KHDC4: variants seen among roughly 807,000 people sequenced by gnomAD.
KHDC4 encodes KH homology domain-containing protein 4.
KHDC4 carries 19 observed loss-of-function variants against 74.5 expected under a neutral mutation model. The observed-to-expected ratio is 0.26, with a 90% CI of 0.18 to 0.37. KHDC4 has a LOEUF of 0.37. Among genes scored for constraint, KHDC4 ranks in the 10% least tolerant of loss-of-function variants. The pLI is 1.00. For synonymous variants in KHDC4, 253 were observed against 266.1 expected (o/e 0.95, Z 0.48); for missense variants, 632 against 754.1 (o/e 0.84, Z 1.90).
intron 10 of KHDC4, chr1:155,921,147 A>G (rs1673854609): frequency 1.7e-5 from 9 of 536,784 alleles, no homozygotes; most frequent in Non-Finnish European, 2.7e-5. Flanking sequence ...TCCCCACTTT[A>G]AACAGCTATT....
At chr1:155,934,308 T>A in intron 1 of KHDC4, 28 bp downstream of exon 1, 1 of 1,605,876 alleles carries the variant, frequency 6.2e-7, no homozygotes, top group Non-Finnish European at 8.5e-7. Context: ...CAGTGCTCGC[T>A]CCGATGCCCT....
chr1:155,925,758 C>A lies in KHDC4; in HGVS notation c.767G>T (p.Gly256Val). The A allele has an allele frequency of 1.9e-6, 3 of 1,614,142 alleles. No homozygotes were observed. Among genetic ancestry groups the A allele is most frequent in the Non-Finnish European group, 2.5e-6 (3 of 1,179,996 alleles). Residue 256 changes from glycine (G) to valine (V), a missense_variant, in exon 7 of 14, where the codon GGC (glycine) becomes GTC (valine). Transcript: ENST00000368321. ...FNVKEKVEGP[G>V]CSYLQHIQIE... Reference sequence around the variant, plus strand: ...CTGAATGTGCTGCAAATAGGAGCAGCCTGGACCTTCCACCTTCTCCTTGAC... The same window carrying A: ...CTGAATGTGCTGCAAATAGGAGCAGACTGGACCTTCCACCTTCTCCTTGAC...
In KHDC4 at chr1:155,934,183, G is replaced by A. The variant is rs78992790; in HGVS notation, c.38+153C>T. Among the ~76,000 whole-genome samples the A allele has an allele frequency of 8.0e-3, 1,210 of 152,104 alleles. 15 individuals carry two copies. The highest frequency in any genetic ancestry group is 0.028 in the African/African-American group (1,156 of 41,466). On this transcript the variant is annotated intron_variant, in intron 1 of 13. Transcript: ENST00000368321. ...CTCGGATCCCCGCCGGCCCTTTAAG[G>A]GCCCCAGGCCTGCTCAAGATCCTTC...
At chr1:155,914,567 G>C in intron 13 of KHDC4, 9 of 359,822 alleles carry the variant, frequency 2.5e-5, no homozygotes, top group East Asian at 4.5e-5. Flanking sequence ...CACAAAAAAA[G>C]AAAAAAAAAG....
chr1:155,916,844 AC>A, intron 11 of KHDC4, 107 bp from the exon 12 acceptor site: 2 of 708,624 alleles, frequency 2.8e-6, no homozygotes, highest in Non-Finnish European at 2.4e-6. Context: ...AAGTTGTAGT[AC>A]GTTAAACTAC....
At chr1:155,923,125 A>G (rs1189845661) in intron 8 of KHDC4, among the ~76,000 whole-genome samples, 3 of 151,650 alleles carry the variant, frequency 2.0e-5, no homozygotes, top group Non-Finnish European at 4.4e-5. Context: ...GAATGGCGTG[A>G]ACCCGGGAGG....
chr1:155,923,753 C>A, intron 7 of KHDC4, 66 bp from the exon 8 acceptor site: 1 of 1,228,832 alleles, frequency 8.1e-7, no homozygotes, highest in South Asian at 1.2e-5. Flanking sequence ...ATTCTGCTTT[C>A]ATTTTCCATG....
chr1:155,918,544 A>G (rs1023175710), intron 10 of KHDC4, among the ~76,000 whole-genome samples: 11 of 152,156 alleles, frequency 7.2e-5, no homozygotes, highest in Non-Finnish European at 1.3e-4. Flanking sequence ...ACTTATACAA[A>G]CTTAGATGAA....
In KHDC4 at chr1:155,934,366, G is replaced by A. The variant is rs763849288; in HGVS notation, c.8C>T (p.Ala3Val). Residue 3 changes from alanine to valine, a missense_variant, in exon 1 of 14, where the codon GCG (alanine) becomes GTG (valine). Ala to Val is a moderately conservative substitution (Grantham distance 64). Coordinates refer to ENST00000368321, the MANE Select transcript of KHDC4 (RefSeq NM_014949.4). MS[A>V]GSATHPGAGG... The stretch of plus-strand genomic sequence containing the variant: ...AGCTCCAGGATGTGTCGCGCTCCCC[G>A]CGGACATGGCGACCGCTTCTACTCA... 5.0e-6 allele frequency: 8 copies of A among 1,611,344 alleles called. No individual in the cohort carries two copies. Among genetic ancestry groups the A allele is most frequent in the Admixed American group, 3.3e-5 (2 of 59,960 alleles).
intron 2 of KHDC4, chr1:155,932,849 A>G (rs1233549646): frequency 1.3e-5 from 2 of 152,178 alleles, no homozygotes; most frequent in Admixed American, 6.5e-5. Flanking sequence ...CAGAATCAGA[A>G]TCACTTGAAC....
At chr1:155,929,870 T>A (rs116526418) in intron 2 of KHDC4, 30 bp from the exon 3 acceptor site, 21 of 1,496,156 alleles carry the variant, frequency 1.4e-5, no homozygotes, top group Non-Finnish European at 1.7e-5. Context: ...GATTAAAAAG[T>A]TTTTATGATG....
At chr1:155,924,378 TTTTTG>T (rs1673936479) in intron 7 of KHDC4, among the ~76,000 whole-genome samples, 3 of 151,578 alleles carry the variant, frequency 2.0e-5, no homozygotes, top group Non-Finnish European at 4.4e-5. Context: ...CTGGCTAATT[TTTTTG>T]TTTTATTTTT....
At chr1:155,927,268 G>A (rs1397490746) in intron 4 of KHDC4, 112 bp from the exon 5 acceptor site, 4 of 790,388 alleles carry the variant, frequency 5.1e-6, no homozygotes, top group Non-Finnish European at 8.7e-6. Context: ...TAACCAAAAG[G>A]GACTATATAC....
chr1:155,927,029 T>C, intron 5 of KHDC4, 75 bp downstream of exon 5: 2 of 1,455,274 alleles, frequency 1.4e-6, no homozygotes, highest in South Asian at 2.3e-5. Flanking sequence ...CAGGGACACT[T>C]TGCCAACTTG....
At chr1:155,919,943 A>G (rs1673819531) in intron 10 of KHDC4, 2 of 511,972 alleles carry the variant, frequency 3.9e-6, no homozygotes, top group African/African-American at 1.9e-5. Context: ...CACAGCCCAC[A>G]GGTAAGGGGA....
In KHDC4 at chr1:155,934,409, C is replaced by CGACTACCACCT. The variant is rs1213951675; in HGVS notation, c.-37_-36insAGGTGGTAGTC. The CGACTACCACCT allele has an allele frequency of 1.2e-6, 2 of 1,608,092 alleles. No homozygotes were observed. Among genetic ancestry groups the CGACTACCACCT allele is most frequent in the Non-Finnish European group, 1.7e-6 (2 of 1,177,174 alleles). The stretch of plus-strand genomic sequence containing the variant: ...TCTACTCAACCACCCGCCAACTATC[C>CGACTACCACCT]GACTACCACCTCTCGTCACTTCCGC... On this transcript the variant is annotated 5_prime_UTR_variant, in exon 1 of 14. Transcript: ENST00000368321.
Position 155,925,613 on chromosome 1 carries a change from C to T in KHDC4, c.893+19G>A, listed in dbSNP as rs1673973852. On this transcript the variant is annotated intron_variant, in intron 7 of 13. Transcript: ENST00000368321. The stretch of plus-strand genomic sequence containing the variant: ...AAGTTGACAAGAATTCACATGTCCC[C>T]TGCCCTATCCATCCATACCTGATGT... 1 of 1,601,758 alleles carries T rather than the reference C, an allele frequency of 6.2e-7. No individual in the cohort carries two copies. The highest frequency in any genetic ancestry group is 1.1e-5 in the South Asian group (1 of 90,844).
intron 1 of KHDC4, among the ~76,000 whole-genome samples, 189 bp from the exon 2 acceptor site, chr1:155,934,038 T>A (rs988528426): frequency 6.6e-6 from 1 of 152,110 alleles, no homozygotes. Context: ...CTTTCAACCC[T>A]TCCCCAAAAT....
intron 2 of KHDC4, 144 bp downstream of exon 2, chr1:155,933,489 T>G: frequency 1.8e-6 from 1 of 553,520 alleles, no homozygotes; most frequent in South Asian, 2.5e-5. Context: ...TTTCACCATG[T>G]TGGTCAGGCT....
Sources: gnomAD v4.1 joint callset for allele counts (sites outside exome capture counted in the v4.1 genomes callset) on GRCh38, gnomAD v4.1.1 for gene constraint, MANE v1.5 for transcripts, NCBI Gene and HGNC (gene_info 2026-07-23, HGNC 2026-07-21) for gene names.